Variants in AFF3 observed in about 807,000 individuals in gnomAD.
The protein encoded by AFF3 is AF4/FMR2 family member 3.
Under a neutral mutation model 129.7 loss-of-function variants are expected in AFF3, and 32 were observed. That is an observed-to-expected ratio of 0.25 (90% CI 0.19 to 0.33). The LOEUF is 0.33. AFF3 is among the 10% of genes least tolerant of loss of function. The pLI, the probability that AFF3 is intolerant of heterozygous loss-of-function variation, is 1.00. For synonymous variants in AFF3, 644 were observed against 635.4 expected (o/e 1.01, Z -0.20); for missense variants, 1,373 against 1,592.0 (o/e 0.86, Z 2.34).
At chr2:99,677,195 T>C (rs1289687879) in intron 11 of AFF3, among the ~76,000 whole-genome samples, 1 of 144,062 alleles carries the variant, frequency 6.9e-6, no homozygotes, top group Non-Finnish European at 1.5e-5. Context: ...ACCTGAGCCC[T>C]GGAGGTCAAG....
chr2:100,076,347 T>C (rs1291254716), intron 4 of AFF3, among the ~76,000 whole-genome samples: 1 of 152,222 alleles, frequency 6.6e-6, no homozygotes, highest in African/African-American at 2.4e-5. Flanking sequence ...ACATTCAGAC[T>C]GTGTGCAGGA....
At chr2:99,923,756 C>G (rs1023726762) in intron 7 of AFF3, among the ~76,000 whole-genome samples, 1 of 151,260 alleles carries the variant, frequency 6.6e-6, no homozygotes, top group African/African-American at 2.4e-5. Context: ...TTTAAAGAGG[C>G]AAAAAAAGAA....
chr2:100,043,321 G>A (rs752616049), intron 4 of AFF3, among the ~76,000 whole-genome samples: 2 of 152,156 alleles, frequency 1.3e-5, no homozygotes, highest in Non-Finnish European at 2.9e-5. Context: ...GGGCAGGTGG[G>A]ATGGCATGGT....
chr2:99,793,116 G>T (rs1685314368), intron 8 of AFF3, among the ~76,000 whole-genome samples: 1 of 152,144 alleles, frequency 6.6e-6, no homozygotes, highest in East Asian at 1.9e-4. Context: ...GATCTCTCAT[G>T]AATGGCCTGG....
intron 11 of AFF3, among the ~76,000 whole-genome samples, chr2:99,725,887 T>C (rs1175513741): frequency 1.3e-5 from 2 of 152,174 alleles, no homozygotes; most frequent in Admixed American, 6.5e-5. Context: ...TTCCCCCAAA[T>C]AGCTTACATT....
Position 100,050,381 on chromosome 2 carries a change from C to T in AFF3, c.54-41449G>A, listed in dbSNP as rs556545529. ...TCACCCAGGCTAGAGTGCAGTGGCA[C>T]GATCATAGCTCACTGAAGTCTTGAT... On this transcript the variant is annotated intron_variant, in intron 4 of 24. Transcript: ENST00000672756. Among the ~76,000 whole-genome samples the T allele has an allele frequency of 9.5e-4, 145 of 152,106 alleles. 1 individual carries two copies. The highest frequency in any genetic ancestry group is 3.5e-3 in the African/African-American group (144 of 41,498).
chr2:99,701,271 G>T (rs1051563849), intron 11 of AFF3, among the ~76,000 whole-genome samples: 1 of 152,004 alleles, frequency 6.6e-6, no homozygotes, highest in Non-Finnish European at 1.5e-5. Flanking sequence ...TGGTCGTGCA[G>T]ACAGAAAAAG....
chr2:99,922,596 G>A (rs1273033905), intron 7 of AFF3, among the ~76,000 whole-genome samples: 1 of 152,152 alleles, frequency 6.6e-6, no homozygotes. Flanking sequence ...AAGTGGCATG[G>A]GGGAGCTTTT....
chr2:100,008,925 C>T lies in AFF3; in HGVS notation c.61G>A (p.Glu21Lys). ...EWDLESLCVY[E>K]PDRNALRRKE... ...CTCCGTAATGCATTTCTATCTGGTT[C>T]ATAGACACTGCATCAGGAAAAAGAA... The change falls in exon 5 of 25, where the codon GAA becomes AAA. Residue 21 changes from glutamate to lysine, a missense_variant. Physicochemically the swap from Glu to Lys is moderately conservative, Grantham distance 56 (BLOSUM62 1). Coordinates refer to ENST00000672756, the MANE Select transcript of AFF3 (RefSeq NM_001386135.1). 6.2e-7 allele frequency: 1 copy of T among 1,613,828 alleles called. No individual in the cohort carries two copies.
rs77942456 is a variant in AFF3 at position 99,616,150 on chromosome 2, A to G, written c.1185-14529T>C. 2.6e-4 allele frequency among the ~76,000 whole-genome samples: 39 copies of G among 152,258 alleles called. 1 individual carries two copies. The East Asian group carries it at 7.2e-3, about 28-fold the overall frequency. On this transcript the variant is annotated intron_variant, in intron 13 of 24. Coordinates refer to ENST00000672756, the MANE Select transcript of AFF3 (RefSeq NM_001386135.1). ...AGGAACACCTCTTTTACCCCAAGCA[A>G]TGGGAGCGTTTTAAGGCAATGTAAC...
chr2:99,608,043 G>T (rs1427673624), intron 13 of AFF3, among the ~76,000 whole-genome samples: 1 of 152,138 alleles, frequency 6.6e-6, no homozygotes, highest in Admixed American at 6.5e-5. Flanking sequence ...TTCCAAGAAT[G>T]ATTTCTCTAT....
chr2:100,042,262 G>A (rs1026284674), intron 4 of AFF3, among the ~76,000 whole-genome samples: 1 of 152,178 alleles, frequency 6.6e-6, no homozygotes, highest in African/African-American at 2.4e-5. Flanking sequence ...CCCACAGAGG[G>A]CCCTCCGCAG....
chr2:99,996,527 ATTTT>A (rs756231548), intron 7 of AFF3, among the ~76,000 whole-genome samples: 5 of 114,074 alleles, frequency 4.4e-5, no homozygotes, highest in African/African-American at 1.6e-4. Context: ...CGCCCGGCTA[ATTTT>A]TTTTTTTTTT....
intron 7 of AFF3, among the ~76,000 whole-genome samples, chr2:99,956,943 T>C (rs1320726100): frequency 6.6e-6 from 1 of 152,200 alleles, no homozygotes; most frequent in African/African-American, 2.4e-5. Context: ...CAAAATAATA[T>C]AAGCACCTAC....
At chr2:99,888,228 A>T (rs952140162) in intron 7 of AFF3, among the ~76,000 whole-genome samples, 27 of 152,234 alleles carry the variant, frequency 1.8e-4, no homozygotes, top group African/African-American at 6.5e-4. Context: ...ATGAGAACAA[A>T]TGAAGAGAGC....
At chr2:99,726,895 C>T (rs1679404992) in intron 11 of AFF3, among the ~76,000 whole-genome samples, 182 bp downstream of exon 11, 3 of 152,234 alleles carry the variant, frequency 2.0e-5, no homozygotes, top group South Asian at 2.1e-4. Context: ...ATTCCTCTTA[C>T]TCTGCTAAAG....
chr2:99,775,486 A>G lies in AFF3; in HGVS notation c.922-23185T>C, dbSNP rs533147065. 1.5e-4 allele frequency among the ~76,000 whole-genome samples: 23 copies of G among 152,290 alleles called. No homozygotes were observed. The East Asian group carries it at 2.3e-3, about 15-fold the overall frequency. On this transcript the variant is annotated intron_variant, in intron 8 of 24. Coordinates refer to ENST00000672756, the MANE Select transcript of AFF3 (RefSeq NM_001386135.1). The stretch of plus-strand genomic sequence containing the variant: ...AACCAAATACTGCATGTTCTCACTT[A>G]TAAGTGGGAGCTAAATGATGAGAAC...
chr2:99,820,235 T>C (rs986177309), intron 8 of AFF3, among the ~76,000 whole-genome samples: 1 of 152,206 alleles, frequency 6.6e-6, no homozygotes. Context: ...CTATATGGTA[T>C]GGCCTATTGC....
intron 7 of AFF3, among the ~76,000 whole-genome samples, chr2:99,905,163 T>C (rs1342761756): frequency 2.0e-5 from 3 of 152,214 alleles, no homozygotes; most frequent in Admixed American, 6.5e-5. Context: ...TTCTGGCTGC[T>C]CACAACTTTG....
Sources: allele counts gnomAD v4.1 joint callset (sites outside exome capture counted in the v4.1 genomes callset), GRCh38; gene constraint gnomAD v4.1.1; transcripts MANE v1.5; gene names NCBI Gene and HGNC (gene_info 2026-07-23, HGNC 2026-07-21).